Variants in TRERF1 observed in about 807,000 individuals in gnomAD.
TRERF1 encodes the protein transcriptional regulating factor 1.
In TRERF1, 27 loss-of-function variants were observed where a neutral mutation model predicts 122.9. The ratio of observed to expected loss-of-function variants is 0.22; its 90% CI spans 0.16 to 0.30. TRERF1 has a LOEUF of 0.30. Among genes scored for constraint, TRERF1 ranks in the 10% least tolerant of loss-of-function variants. The probability of loss-of-function intolerance (pLI) is 1.00; values close to 1 mark genes in which losing one functional copy is unlikely to be tolerated. For synonymous variants in TRERF1, 636 were observed against 641.7 expected (o/e 0.99, Z 0.13); for missense variants, 1,248 against 1,560.3 (o/e 0.80, Z 3.37).
rs572330101 is a variant in TRERF1, at chr6:42,438,046, C to T, written c.-454+13131G>A. On this transcript the variant is annotated intron_variant, in intron 2 of 17. Coordinates refer to ENST00000372922, the Ensembl canonical transcript of TRERF1. ...AAGCGATTCTCCCGCCCCAGCCTCC[C>T]GAGCAGCTGGGATTACAGGTGCCCG... Among the ~76,000 whole-genome samples, 35 of 151,926 alleles carry T rather than the reference C, an allele frequency of 2.3e-4. No individual in the cohort carries two copies. In the South Asian group the frequency reaches 6.0e-3, roughly 26 times the overall value.
chr6:42,300,885 G>C (rs1023256148), intron 3 of TRERF1, 136 bp from the exon 4 acceptor site: 2 of 152,346 alleles, frequency 1.3e-5, no homozygotes, highest in Non-Finnish European at 2.9e-5. Context: ...AGGTAATGAG[G>C]AAGCAGACAG....
At chr6:42,359,055 T>C (rs1035269844) in intron 3 of TRERF1, among the ~76,000 whole-genome samples, 1 of 152,160 alleles carries the variant, frequency 6.6e-6, no homozygotes, top group Non-Finnish European at 1.5e-5. Flanking sequence ...GCACCCTACA[T>C]GCTCACCCCT....
chr6:42,432,811 C>T (rs1303435807), intron 2 of TRERF1, among the ~76,000 whole-genome samples: 1 of 147,486 alleles, frequency 6.8e-6, no homozygotes, highest in Non-Finnish European at 1.5e-5. Context: ...CCACTGCACT[C>T]CAGCCTGGGA....
chr6:42,298,129 T>G (rs934025701), intron 4 of TRERF1, among the ~76,000 whole-genome samples: 1 of 151,826 alleles, frequency 6.6e-6, no homozygotes, highest in Admixed American at 6.6e-5. Flanking sequence ...AAATAGAAGA[T>G]AGTTGTTGTT....
chr6:42,245,141 G>A (rs995029741), intron 14 of TRERF1, among the ~76,000 whole-genome samples: 2 of 152,212 alleles, frequency 1.3e-5, no homozygotes, highest in African/African-American at 4.8e-5. Context: ...CTCAATACAC[G>A]AATCCATCAT....
intron 2 of TRERF1, among the ~76,000 whole-genome samples, chr6:42,374,787 T>C (rs1417341527): frequency 6.6e-6 from 1 of 151,950 alleles, no homozygotes; most frequent in Non-Finnish European, 1.5e-5. Context: ...ATGGGTGGAT[T>C]GCCTGAGCTA....
At position 42,393,967 on chromosome 6, in the gene TRERF1, GT is replaced by G. The variant is rs915304928; in HGVS notation, c.-453-30889del. Among the ~76,000 whole-genome samples, 3 of 150,848 alleles carry G rather than the reference GT, an allele frequency of 2.0e-5. No individual in the cohort carries two copies. Among genetic ancestry groups the G allele is most frequent in the Non-Finnish European group, 4.4e-5 (3 of 67,832 alleles). ...TGTAAACTTCCAAATCCTCACACTG[GT>G]TTCTTCCAGAAAGATGGATGTTTTT... On this transcript the variant is annotated intron_variant, in intron 2 of 17. Transcript: ENST00000372922. This position sits in a 1 kb window ranked among gnomAD's most constrained non-coding sequence, Gnocchi z 4.1.
Position 42,264,692 on chromosome 6 carries a change from G to A in TRERF1, c.1635+12C>T, listed in dbSNP as rs1778830510. The A allele has an allele frequency of 1.2e-6, 2 of 1,613,000 alleles. No individual in the cohort carries two copies. The highest frequency in any genetic ancestry group is 1.1e-5 in the South Asian group (1 of 90,946). ...ACGACCTAGAAAGGACCGGGAACTG[G>A]CTCCTGCTAACCTGTTTGAGGTTGG... On this transcript the variant is annotated intron_variant, in intron 7 of 17. Transcript: ENST00000372922.
chr6:42,380,432 C>A (rs567607855), intron 2 of TRERF1, among the ~76,000 whole-genome samples: 2 of 152,358 alleles, frequency 1.3e-5, no homozygotes, highest in South Asian at 4.1e-4. Flanking sequence ...AGGAGCCAGG[C>A]TGAAGCCCAG....
intron 4 of TRERF1, among the ~76,000 whole-genome samples, chr6:42,296,728 GA>G (rs1347157121): frequency 6.6e-6 from 1 of 152,098 alleles, no homozygotes. Context: ...AGGGGAAAAG[GA>G]AAAAGAGGCA....
intron 2 of TRERF1, among the ~76,000 whole-genome samples, chr6:42,416,706 G>T (rs1325625129): frequency 1.1e-4 from 16 of 152,014 alleles, no homozygotes; most frequent in Non-Finnish European, 1.5e-5. Flanking sequence ...GAATTTAAGC[G>T]CTCTTTCTCT....
At chr6:42,324,977 G>C (rs1764036844) in intron 3 of TRERF1, among the ~76,000 whole-genome samples, 1 of 152,102 alleles carries the variant, frequency 6.6e-6, no homozygotes, top group African/African-American at 2.4e-5. Flanking sequence ...CCTACAGAAT[G>C]GGAGAAAATG....
chr6:42,344,432 G>A (rs561685711), intron 3 of TRERF1, among the ~76,000 whole-genome samples: 7 of 152,276 alleles, frequency 4.6e-5, no homozygotes, highest in Admixed American at 1.3e-4. Context: ...CAGAGAAGAT[G>A]AGTTATTTAC....
chr6:42,274,789 A>G (rs1460819978), intron 4 of TRERF1, among the ~76,000 whole-genome samples: 1 of 152,244 alleles, frequency 6.6e-6, no homozygotes, highest in East Asian at 1.9e-4. Context: ...TTTATTTTAC[A>G]TTAAATGTAA....
exon 18 of TRERF1, chr6:42,227,769 GTCA>G (rs1769744117): frequency 6.6e-6 from 1 of 152,250 alleles, no homozygotes; most frequent in Non-Finnish European, 1.5e-5. Flanking sequence ...TTCACATTTG[GTCA>G]TCTCCTCACA....
chr6:42,360,696 C>G (rs373154034), intron 3 of TRERF1, among the ~76,000 whole-genome samples: 1 of 147,594 alleles, frequency 6.8e-6, no homozygotes. Context: ...CTCCCCACAG[C>G]CTGGTGCAGG....
intron 3 of TRERF1, among the ~76,000 whole-genome samples, chr6:42,342,697 T>C (rs932427987): frequency 2.0e-5 from 3 of 152,214 alleles, no homozygotes; most frequent in African/African-American, 7.2e-5. Flanking sequence ...ATACCTCTAA[T>C]GATGGGGACT....
intron 3 of TRERF1, among the ~76,000 whole-genome samples, chr6:42,362,410 C>G (rs995731027): frequency 1.3e-5 from 2 of 152,262 alleles, no homozygotes; most frequent in Non-Finnish European, 2.9e-5. Context: ...CTTGCCGGAT[C>G]AGGGTTTACA....
chr6:42,432,997 G>A (rs72857693), intron 2 of TRERF1, among the ~76,000 whole-genome samples: 3,419 of 152,214 alleles, frequency 0.022, 64 homozygotes, highest in Middle Eastern at 0.037. Flanking sequence ...GTACAGAACA[G>A]CTACATAAGA....
Sources: allele counts gnomAD v4.1 joint callset (sites outside exome capture counted in the v4.1 genomes callset), GRCh38; gene constraint gnomAD v4.1.1; non-coding constraint Gnocchi (gnomAD v3.1); transcripts MANE v1.5; gene names NCBI Gene and HGNC (gene_info 2026-07-23, HGNC 2026-07-21).